The following MAGI1 variants were observed in gnomAD, a reference collection of about 807,000 sequenced individuals.
The protein encoded by MAGI1 is membrane-associated guanylate kinase, WW and PDZ domain-containing protein 1.
In MAGI1, 58 loss-of-function variants were observed where a neutral mutation model predicts 139.9. The ratio of observed to expected loss-of-function variants is 0.41; its 90% confidence interval spans 0.34 to 0.52. The LOEUF (loss-of-function observed/expected upper bound fraction) is 0.52. MAGI1 is among the 20% of genes least tolerant of loss of function. The probability of loss-of-function intolerance (pLI) is 0.12; values close to 1 mark genes in which losing one functional copy is unlikely to be tolerated. For missense variants in MAGI1, 1,874 were observed against 1,901.6 expected, an observed-to-expected ratio of 0.99 and a Z score of 0.27; for synonymous variants, 812 against 737.9, an observed-to-expected ratio of 1.10 and a Z score of -1.63.
intron 1 of MAGI1, among the ~76,000 whole-genome samples, chr3:65,935,280 A>T (rs1345206358): frequency 6.6e-6 from 1 of 152,188 alleles, no homozygotes; most frequent in Non-Finnish European, 1.5e-5. Context: ...TAGTGATTAC[A>T]ATGTTGAACA....
chr3:65,588,539 C>T (rs947308603), intron 2 of MAGI1, among the ~76,000 whole-genome samples: 1 of 152,168 alleles, frequency 6.6e-6, no homozygotes, highest in Non-Finnish European at 1.5e-5. Context: ...GAAAGTCTCA[C>T]TACTCTAATG....
intron 1 of MAGI1, among the ~76,000 whole-genome samples, chr3:65,996,845 C>A (rs537299618): frequency 1.3e-5 from 2 of 152,162 alleles, no homozygotes; most frequent in Non-Finnish European, 2.9e-5. Context: ...AGGCCCCGGG[C>A]GGCCAAGATA....
chr3:65,865,510 C>T (rs991672288), intron 1 of MAGI1, among the ~76,000 whole-genome samples: 6 of 152,158 alleles, frequency 3.9e-5, no homozygotes, highest in Non-Finnish European at 8.8e-5. Flanking sequence ...ATGGGAGGAT[C>T]ACTTGAGCCT....
intron 1 of MAGI1, among the ~76,000 whole-genome samples, chr3:65,900,854 T>C (rs112491424): frequency 3.2e-4 from 48 of 152,308 alleles, no homozygotes; most frequent in African/African-American, 1.1e-3. Context: ...AACTAAGAGA[T>C]TCCAGCTTCA....
intron 13 of MAGI1, among the ~76,000 whole-genome samples, chr3:65,393,264 C>G (rs917212726): frequency 1.8e-4 from 27 of 152,068 alleles, no homozygotes; most frequent in African/African-American, 6.3e-4. Context: ...TTTTTTCCCC[C>G]CCTCTTCAAT....
intron 2 of MAGI1, among the ~76,000 whole-genome samples, chr3:65,573,552 A>T (rs1256774013): frequency 6.6e-6 from 1 of 152,060 alleles, no homozygotes; most frequent in Non-Finnish European, 1.5e-5. Context: ...AAAATAAAAA[A>T]AAAACTCCTG....
chr3:65,994,151 G>A (rs557857095), intron 1 of MAGI1, among the ~76,000 whole-genome samples: 19 of 151,554 alleles, frequency 1.3e-4, no homozygotes, highest in African/African-American at 4.1e-4. Flanking sequence ...GTGGGTGCCT[G>A]TAATCCTAGC....
At chr3:65,604,172 T>C (rs1255820313) in intron 2 of MAGI1, among the ~76,000 whole-genome samples, 1 of 151,962 alleles carries the variant, frequency 6.6e-6, no homozygotes, top group Non-Finnish European at 1.5e-5. Flanking sequence ...TGCACATTTA[T>C]GTTTAAAAAC....
chr3:65,510,897 C>A (rs2077553386), intron 2 of MAGI1, among the ~76,000 whole-genome samples: 1 of 148,740 alleles, frequency 6.7e-6, no homozygotes, highest in African/African-American at 2.5e-5. Flanking sequence ...TTAAGGGCAG[C>A]CAGAGAGAAA....
chr3:65,371,633 C>T (rs1942007249), intron 18 of MAGI1, among the ~76,000 whole-genome samples: 4 of 152,162 alleles, frequency 2.6e-5, no homozygotes, highest in Admixed American at 2.6e-4. Flanking sequence ...TGTTTGATAG[C>T]ATTTTACCCT....
intron 1 of MAGI1, among the ~76,000 whole-genome samples, chr3:65,647,124 T>C (rs557312598): frequency 1.3e-5 from 2 of 152,192 alleles, no homozygotes; most frequent in South Asian, 4.1e-4. Flanking sequence ...CTAGCAAGAC[T>C]GACAACAGGG....
intron 1 of MAGI1, among the ~76,000 whole-genome samples, chr3:65,871,321 A>C (rs1030085549): frequency 1.3e-5 from 2 of 152,182 alleles, no homozygotes; most frequent in African/African-American, 4.8e-5. Context: ...GGGAGAGTTG[A>C]AACTGGGGTT....
At chr3:65,393,837 GCTT>G (rs1944145353) in intron 13 of MAGI1, among the ~76,000 whole-genome samples, 1 of 152,194 alleles carries the variant, frequency 6.6e-6, no homozygotes, top group Non-Finnish European at 1.5e-5. Context: ...TTGTGCTGCT[GCTT>G]CTTTTGTAGG....
chr3:66,027,265 C>CAAATAAAT (rs201338759), intron 1 of MAGI1, among the ~76,000 whole-genome samples: 126 of 69,806 alleles, frequency 1.8e-3, no homozygotes, highest in East Asian at 6.3e-3. Context: ...GACTCCGTCT[C>CAAATAAAT]AAATAAATAA....
intron 1 of MAGI1, among the ~76,000 whole-genome samples, chr3:65,767,268 ATAGT>A (rs1343697030): frequency 6.6e-6 from 1 of 152,032 alleles, no homozygotes; most frequent in Admixed American, 6.6e-5. Context: ...AAAATTATAT[ATAGT>A]ATCTCTTTCT....
intron 12 of MAGI1, among the ~76,000 whole-genome samples, chr3:65,420,399 C>T (rs73127541): frequency 0.27 from 41,758 of 152,068 alleles, 7,650 homozygotes; most frequent in Non-Finnish European, 0.4. Context: ...ACTGCCAGGC[C>T]TGCCACACCT....
intron 1 of MAGI1, among the ~76,000 whole-genome samples, chr3:65,753,375 A>T (rs1440117024): frequency 6.6e-6 from 1 of 152,168 alleles, no homozygotes; most frequent in African/African-American, 2.4e-5. Flanking sequence ...CTGAATCTTC[A>T]CCAAAAACAC....
intron 1 of MAGI1, among the ~76,000 whole-genome samples, chr3:65,966,704 C>T (rs886395238): frequency 6.6e-6 from 1 of 152,104 alleles, no homozygotes; most frequent in East Asian, 1.9e-4. Flanking sequence ...CTGCTAATTA[C>T]GAGGCATCAG....
intron 1 of MAGI1, among the ~76,000 whole-genome samples, chr3:65,682,003 G>T (rs867616381): frequency 6.6e-6 from 1 of 152,102 alleles, no homozygotes; most frequent in South Asian, 2.1e-4. Context: ...GTCCAGCTGA[G>T]TTTGGCAGGT....
Sources: allele counts gnomAD v4.1 joint callset (sites outside exome capture counted in the v4.1 genomes callset), GRCh38; gene constraint gnomAD v4.1.1; transcripts MANE v1.5; gene names NCBI Gene and HGNC (gene_info 2026-07-23, HGNC 2026-07-21).